KIF4A: variants seen among roughly 807,000 people sequenced by gnomAD.
The protein encoded by KIF4A is kinesin family member 4A.
Under a neutral mutation model 105.9 loss-of-function variants are expected in KIF4A, and 7 were observed. The observed-to-expected ratio is 0.07, with a 90% CI of 0.04 to 0.12. The LOEUF is 0.12. Ranked by LOEUF, KIF4A falls within the 10% of genes least tolerant of loss-of-function variation. KIF4A has a pLI of 1.00. For missense variants in KIF4A, 558 were observed against 929.2 expected (o/e 0.60, Z 5.19); for synonymous variants, 281 against 331.3 (o/e 0.85, Z 1.65).
chrX:70,413,143 C>T (rs2086329068), intron 28 of KIF4A, among the ~76,000 whole-genome samples: 1 of 112,055 alleles, frequency 8.9e-6, no homozygotes, highest in African/African-American at 3.2e-5. Flanking sequence ...CACCTATGTG[C>T]CAGGCACTGT....
At chrX:70,395,916 G>C (rs757669528) in intron 21 of KIF4A, 33 bp from the exon 22 acceptor site, 11 of 1,194,627 alleles carry the variant, frequency 9.2e-6, no homozygotes, top group Non-Finnish European at 1.2e-5. Flanking sequence ...TTTCCTTTTA[G>C]TATTTCACCC....
chrX:70,377,709 G>T (rs2086180421), intron 18 of KIF4A, among the ~76,000 whole-genome samples: 1 of 112,514 alleles, frequency 8.9e-6, no homozygotes, highest in Non-Finnish European at 1.9e-5. Context: ...GCCAAGGTGG[G>T]CAGATCACCT....
chrX:70,298,861 A>G (rs1706640773), intron 4 of KIF4A, among the ~76,000 whole-genome samples: 1 of 112,392 alleles, frequency 8.9e-6, no homozygotes, highest in Admixed American at 9.4e-5. Context: ...TGCTGTTCCT[A>G]AGAGACTGTC....
At chrX:70,321,610 A>G (rs1319998401) in intron 7 of KIF4A, among the ~76,000 whole-genome samples, 1 of 111,688 alleles carries the variant, frequency 9.0e-6, no homozygotes, top group African/African-American at 3.3e-5. Context: ...GGTTCTGTCA[A>G]GTACTCCTGC....
chrX:70,346,530 C>A (rs2085993449), intron 13 of KIF4A, among the ~76,000 whole-genome samples: 1 of 112,078 alleles, frequency 8.9e-6, no homozygotes, highest in African/African-American at 3.2e-5. Flanking sequence ...CAGTGAGAAT[C>A]TGGCAATATG....
At position 70,407,052 on chromosome X, in the gene KIF4A, G is replaced by C. The variant is rs755374957; in HGVS notation, c.3232G>C (p.Val1078Leu). Residue 1078 changes from valine to leucine, a missense_variant, in exon 28 of 31, where the codon GTG becomes CTG. Physicochemically the swap from Val to Leu is conservative, Grantham distance 32. Around this residue, in one of 2 missense-constraint regions of KIF4A, gnomAD observed 469 missense variants for 680.4 expected, o/e 0.69. Coordinates refer to ENST00000374403, the MANE Select transcript of KIF4A (RefSeq NM_012310.5). ...ATGGAAGCCAACAAAATTAGTTAAG[G>C]TGTCCAGGAAGAACATCCAAGGGGT... ...EEWKPTKLVK[V>L]SRKNIQGCSC... The C allele has an allele frequency of 2.5e-6, 3 of 1,196,058 alleles. No individual in the cohort carries two copies. The highest frequency in any genetic ancestry group is 2.3e-5 in the Admixed American group (1 of 43,817).
intron 10 of KIF4A, among the ~76,000 whole-genome samples, chrX:70,337,854 A>T (rs2085956896): frequency 8.9e-6 from 1 of 112,254 alleles, no homozygotes; most frequent in African/African-American, 3.2e-5. Flanking sequence ...ACTGTTTTCC[A>T]TAGTGGCTGT....
intron 22 of KIF4A, 94 bp downstream of exon 22, chrX:70,396,143 T>A: frequency 1.6e-6 from 1 of 607,422 alleles, no homozygotes; most frequent in Non-Finnish European, 2.5e-6. Context: ...CTTGTGATGG[T>A]GGAAAAACAC....
intron 13 of KIF4A, among the ~76,000 whole-genome samples, chrX:70,347,848 G>T (rs367907224): frequency 8.3e-5 from 8 of 96,219 alleles, no homozygotes; most frequent in Non-Finnish European, 1.7e-4. Flanking sequence ...GGTAGCGGGC[G>T]CCTGTAGTCC....
At chrX:70,338,974 A>G (rs1378106075) in intron 10 of KIF4A, among the ~76,000 whole-genome samples, 1 of 108,544 alleles carries the variant, frequency 9.2e-6, no homozygotes, top group Non-Finnish European at 1.9e-5. Flanking sequence ...AGTCCCAGCT[A>G]CTTGGGAGGC....
Position 70,420,357 on chromosome X carries a change from T to G in KIF4A, c.*92T>G. ...GTTTTTTAAATGACTTCTCTGGATT[T>G]CAGGTTTCTTGCTGTTGAAAAAAGG... On this transcript the variant is annotated 3_prime_UTR_variant, in exon 31 of 31. Coordinates refer to ENST00000374403, the MANE Select transcript of KIF4A (RefSeq NM_012310.5). The G allele has an allele frequency of 9.4e-7, 1 of 1,060,656 alleles. No individual in the cohort carries two copies. The highest frequency in any genetic ancestry group is 1.2e-6 in the Non-Finnish European group (1 of 804,458). 87.4% of individuals were successfully genotyped at this position (1,060,656 alleles called of 1,213,427 possible).
chrX:70,374,200 A>G lies in KIF4A; in HGVS notation c.1724A>G (p.Lys575Arg). ...GAAGTCATCAATCTGCAAAAGGAAA[A>G]GGAAGAATTGGTTCTTGAACTTCAG... Reference protein sequence around the residue: ...ELEVINLQKEKEELVLELQTA... With the variant: ...ELEVINLQKEREELVLELQTA... Residue 575 changes from lysine to arginine, a missense_variant, in exon 16 of 31, where the codon AAG becomes AGG. Lys to Arg is a conservative substitution (Grantham distance 26, BLOSUM62 2). Around this residue, in one of 2 missense-constraint regions of KIF4A, gnomAD observed 469 missense variants for 680.4 expected, o/e 0.69. Transcript: ENST00000374403. 8.3e-7 allele frequency: 1 copy of G among 1,204,600 alleles called. No individual in the cohort carries two copies. The highest frequency in any genetic ancestry group is 1.1e-6 in the Non-Finnish European group (1 of 889,605).
intron 20 of KIF4A, among the ~76,000 whole-genome samples, chrX:70,392,548 C>G (rs2086241227): frequency 9.1e-6 from 1 of 110,193 alleles, no homozygotes; most frequent in Non-Finnish European, 1.9e-5. Flanking sequence ...GTAATATTGG[C>G]ACTTAGAGAA....
At chrX:70,417,503 C>T (rs1407461292) in intron 28 of KIF4A, among the ~76,000 whole-genome samples, 1 of 111,791 alleles carries the variant, frequency 8.9e-6, no homozygotes, top group Non-Finnish European at 1.9e-5. Context: ...AAAAAGTAGC[C>T]GGGCATGGTG....
chrX:70,373,773 T>TATATATATACATATATATAC (rs2086162379), intron 15 of KIF4A, among the ~76,000 whole-genome samples: 1 of 83,240 alleles, frequency 1.2e-5, no homozygotes, highest in African/African-American at 4.3e-5. Context: ...TACGTATATA[T>TATATATATACATATATATAC]ACACATATAT....
intron 22 of KIF4A, among the ~76,000 whole-genome samples, chrX:70,402,179 G>A (rs1026728296): frequency 9.0e-6 from 1 of 111,526 alleles, no homozygotes; most frequent in Non-Finnish European, 1.9e-5. Context: ...TTTCCTTCAA[G>A]TCTCCAACCT....
chrX:70,338,570 C>T (rs2147696175), intron 10 of KIF4A, among the ~76,000 whole-genome samples: 1 of 111,997 alleles, frequency 8.9e-6, no homozygotes, highest in African/African-American at 3.2e-5. Flanking sequence ...GGGTTGTTTC[C>T]ACTTTTTGGC....
At chrX:70,321,751 T>C (rs553895829) in intron 7 of KIF4A, among the ~76,000 whole-genome samples, 1 of 111,356 alleles carries the variant, frequency 9.0e-6, no homozygotes, top group Admixed American at 9.6e-5. Context: ...CCCTTTTCCT[T>C]TCATTCTACA....
intron 3 of KIF4A, among the ~76,000 whole-genome samples, chrX:70,296,075 A>G (rs2085781855): frequency 1.0e-5 from 1 of 97,934 alleles, no homozygotes; most frequent in Admixed American, 1.3e-4. Flanking sequence ...ATCTTTGAAT[A>G]AATGATGCTT....
Sources: allele counts gnomAD v4.1 joint callset (sites outside exome capture counted in the v4.1 genomes callset), GRCh38; gene constraint gnomAD v4.1.1; regional missense constraint gnomAD v4.1.1; transcripts MANE v1.5; gene names NCBI Gene and HGNC (gene_info 2026-07-23, HGNC 2026-07-21).